Variants in TP63 observed in about 807,000 individuals in gnomAD.
The protein encoded by TP63 is tumor protein 63.
In TP63, 17 loss-of-function variants were observed where a neutral mutation model predicts 82.8. The observed-to-expected ratio is 0.21, with a 90% CI of 0.14 to 0.31. TP63 has a LOEUF of 0.31. TP63 is among the 10% of genes least tolerant of loss of function. The pLI, the probability that TP63 is intolerant of heterozygous loss-of-function variation, is 1.00. For synonymous variants in TP63, 330 were observed against 321.7 expected (o/e 1.03, Z -0.28); for missense variants, 648 against 895.3 (o/e 0.72, Z 3.52).
rs189339634 is a variant in TP63, at chr3:189,864,982, G to A, written c.766+564G>A. 2.4e-4 allele frequency among the ~76,000 whole-genome samples: 36 copies of A among 151,968 alleles called. No homozygotes were observed. The East Asian group carries it at 6.8e-3, about 29-fold the overall frequency. On this transcript the variant is annotated intron_variant, in intron 5 of 13. Transcript: ENST00000264731. ...AGATGGCACCACTGCACTCCAGTCT[G>A]GGCGACAGAGCGAGACTCCATCTCA... is the stretch of plus-strand genomic sequence containing the variant.
chr3:189,744,268 A>G (rs1577338902), intron 3 of TP63, among the ~76,000 whole-genome samples: 1 of 152,292 alleles, frequency 6.6e-6, no homozygotes, highest in East Asian at 1.9e-4. Flanking sequence ...TGGGGCTGAG[A>G]TGCAAGCAAA....
At chr3:189,627,638 A>G (rs765126961), upstream of TP63, among the ~76,000 whole-genome samples, 38 of 152,218 alleles carry the variant, frequency 2.5e-4, no homozygotes, top group Non-Finnish European at 4.7e-4. Context: ...TATTTCCTTT[A>G]TAACAGAAAG....
chr3:189,894,036 T>C (rs1721275706), intron 13 of TP63, among the ~76,000 whole-genome samples, 170 bp from the exon 14 acceptor site: 1 of 152,236 alleles, frequency 6.6e-6, no homozygotes, highest in African/African-American at 2.4e-5. Context: ...GCCTTTGTGC[T>C]TAGTTCCATA....
At chr3:189,838,440 G>A (rs180686473) in intron 4 of TP63, among the ~76,000 whole-genome samples, 1 of 152,238 alleles carries the variant, frequency 6.6e-6, no homozygotes, top group Admixed American at 6.5e-5. Flanking sequence ...AGTTTACAAA[G>A]AATGCAGAAA....
At chr3:189,614,814 G>A in the TP63 span, among the ~76,000 whole-genome samples, 1 of 152,298 alleles carries the variant, frequency 6.6e-6, no homozygotes, top group South Asian at 2.1e-4. Flanking sequence ...TTATCCTGCT[G>A]AACTATATGT....
intron 3 of TP63, among the ~76,000 whole-genome samples, chr3:189,745,607 T>TGAGA (rs1721308115): frequency 6.9e-6 from 1 of 145,536 alleles, no homozygotes; most frequent in East Asian, 2.0e-4. Context: ...CTCGGGAGGC[T>TGAGA]GAGATAGGAG....
chr3:189,792,531 G>C (rs547240213), intron 3 of TP63, among the ~76,000 whole-genome samples: 16 of 152,142 alleles, frequency 1.1e-4, no homozygotes, highest in African/African-American at 3.9e-4. Flanking sequence ...TTCCTCATCC[G>C]GGGTTTTAGA....
At chr3:189,804,446 T>C (rs754162043) in intron 3 of TP63, among the ~76,000 whole-genome samples, 3 of 152,240 alleles carry the variant, frequency 2.0e-5, no homozygotes, top group Non-Finnish European at 4.4e-5. Flanking sequence ...TCTTAATCTA[T>C]GAACAAGAGG....
chr3:189,781,020 G>A (rs12630584), intron 3 of TP63, among the ~76,000 whole-genome samples: 17,162 of 152,052 alleles, frequency 0.11, 1,088 homozygotes, highest in East Asian at 0.32. Flanking sequence ...CTTTATAAGC[G>A]TAGAGAAAAT....
intron 3 of TP63, among the ~76,000 whole-genome samples, chr3:189,757,680 G>C (rs988929542): frequency 6.6e-6 from 1 of 152,132 alleles, no homozygotes; most frequent in Non-Finnish European, 1.5e-5. Flanking sequence ...AGATACACTA[G>C]TGTTATTGTA....
At chr3:189,703,772 G>A (rs1215118122) in intron 1 of TP63, among the ~76,000 whole-genome samples, 1 of 152,038 alleles carries the variant, frequency 6.6e-6, no homozygotes, top group Non-Finnish European at 1.5e-5. Context: ...CTAAAGACAA[G>A]GAAATAGAAA....
intron 1 of TP63, among the ~76,000 whole-genome samples, chr3:189,674,195 G>A (rs907136736): frequency 6.6e-6 from 1 of 152,082 alleles, no homozygotes; most frequent in South Asian, 2.1e-4. Context: ...TAGCTCAAAA[G>A]TAGGTTAATA....
intron 1 of TP63, among the ~76,000 whole-genome samples, chr3:189,695,147 C>T (rs181996371): frequency 2.6e-5 from 4 of 151,856 alleles, no homozygotes; most frequent in South Asian, 2.1e-4. Context: ...GCATGGGAGA[C>T]GTCTTTTTTC....
chr3:189,622,106 C>T, the TP63 span, among the ~76,000 whole-genome samples: 4 of 152,348 alleles, frequency 2.6e-5, no homozygotes, highest in East Asian at 1.9e-4. Flanking sequence ...CATGCTTAAA[C>T]GGTGCGCACG....
intron 1 of TP63, among the ~76,000 whole-genome samples, chr3:189,671,602 G>T (rs980343359): frequency 6.6e-6 from 1 of 152,000 alleles, no homozygotes; most frequent in African/African-American, 2.4e-5. Flanking sequence ...ATTTATTGCA[G>T]ATCTATTTAA....
intron 1 of TP63, among the ~76,000 whole-genome samples, chr3:189,689,208 C>T (rs1004758140): frequency 1.4e-5 from 2 of 139,576 alleles, no homozygotes; most frequent in African/African-American, 5.3e-5. Context: ...CTCCGTTTCC[C>T]AGGTTCAAGC....
intron 3 of TP63, among the ~76,000 whole-genome samples, chr3:189,751,882 T>C (rs1330711845): frequency 3.3e-5 from 5 of 152,212 alleles, no homozygotes; most frequent in Admixed American, 2.0e-4. Flanking sequence ...GTTTTAATCA[T>C]GAAGTCTTTC....
At chr3:189,722,668 A>G (rs374449273) in intron 1 of TP63, among the ~76,000 whole-genome samples, 8 of 152,230 alleles carry the variant, frequency 5.3e-5, no homozygotes, top group South Asian at 2.1e-4. Flanking sequence ...ACCTTCCCCA[A>G]AGTTATACAC....
At chr3:189,888,985 T>C (rs1033884580) in intron 11 of TP63, among the ~76,000 whole-genome samples, 7 of 152,202 alleles carry the variant, frequency 4.6e-5, no homozygotes, top group Non-Finnish European at 2.9e-5. Flanking sequence ...CTAATCTCTG[T>C]GCTTGCACAG....
Sources: gnomAD v4.1 joint callset for allele counts (sites outside exome capture counted in the v4.1 genomes callset) on GRCh38, gnomAD v4.1.1 for gene constraint, MANE v1.5 for transcripts, NCBI Gene and HGNC (gene_info 2026-07-23, HGNC 2026-07-21) for gene names.